Variants in AGTPBP1 observed in about 807,000 individuals in gnomAD.
The protein encoded by AGTPBP1 is cytosolic carboxypeptidase 1.
A neutral mutation model predicts 143.9 loss-of-function variants in AGTPBP1; 70 were observed. That is an observed-to-expected ratio of 0.49 (90% CI 0.40 to 0.59). AGTPBP1 has a LOEUF of 0.59. Ranked by LOEUF, AGTPBP1 falls within the 20% of genes least tolerant of loss-of-function variation. The probability of loss-of-function intolerance (pLI) is 0.00; values close to 1 mark genes in which losing one functional copy is unlikely to be tolerated. For missense variants in AGTPBP1, 1,229 were observed against 1,464.5 expected, an observed-to-expected ratio of 0.84 and a Z score of 2.62; for synonymous variants, 463 against 500.2, an observed-to-expected ratio of 0.93 and a Z score of 0.99.
intron 1 of AGTPBP1, among the ~76,000 whole-genome samples, chr9:85,716,857 T>C (rs183904623): frequency 1.3e-5 from 2 of 152,324 alleles, no homozygotes; most frequent in East Asian, 3.9e-4. Context: ...CCTAGAGGAA[T>C]ACCCCCAGTC....
chr9:85,622,954 A>C lies in AGTPBP1; in HGVS notation c.2016-1669T>G, dbSNP rs374196768. Among the ~76,000 whole-genome samples the C allele has an allele frequency of 2.8e-4, 43 of 152,360 alleles. 1 individual carries two copies. The highest frequency in any genetic ancestry group is 1.0e-3 in the African/African-American group (42 of 41,586). ...TGATATATGCCACAAATATGTAAAA[A>C]TTAATATTCACAAAGGTTTGGTTTT... On this transcript the variant is annotated intron_variant, in intron 14 of 25. Coordinates refer to ENST00000357081, the MANE Select transcript of AGTPBP1 (RefSeq NM_001330701.2).
At chr9:85,741,338 G>A in intron 1 of AGTPBP1, 2 of 985,382 alleles carry the variant, frequency 2.0e-6, no homozygotes, top group Non-Finnish European at 2.4e-6. Flanking sequence ...TCAGCGGCCC[G>A]CTACCACTGG....
the AGTPBP1 span, among the ~76,000 whole-genome samples, chr9:85,782,574 T>C: frequency 1.3e-5 from 2 of 152,158 alleles, no homozygotes; most frequent in African/African-American, 4.8e-5. Flanking sequence ...TTTTCAAGAA[T>C]AATTCCCTTT....
chr9:85,657,618 G>A lies in AGTPBP1; in HGVS notation c.726C>T (p.Asp242=). 7 of 1,609,654 alleles carry A rather than the reference G, an allele frequency of 4.3e-6. No homozygotes were observed. The highest frequency in any genetic ancestry group is 5.9e-6 in the Non-Finnish European group (7 of 1,178,638). The change falls in exon 10 of 26, where the codon GAC becomes GAT. Residue 242 remains aspartate (D), a synonymous_variant. Transcript: ENST00000357081. ...TTAAAAGCACTTGGACATATCCTCT[G>A]TCTACAGCTCTCCTGGCATTTGTTT... ...KSKTNARRAV[D]RGYVQVLLTI... is the part of the protein sequence containing the mutation.
intron 22 of AGTPBP1, 151 bp from the exon 23 acceptor site, chr9:85,585,745 A>C: frequency 1.7e-6 from 1 of 587,150 alleles, no homozygotes; most frequent in Non-Finnish European, 2.6e-6. Context: ...GAACCAACAA[A>C]AGTAATAATA....
the AGTPBP1 span, among the ~76,000 whole-genome samples, chr9:85,798,527 C>T: frequency 1.3e-5 from 2 of 151,540 alleles, no homozygotes; most frequent in Non-Finnish European, 2.9e-5. Context: ...CCACCACGCG[C>T]AGCTACTTTT....
chr9:85,722,770 T>C (rs1250508011), intron 1 of AGTPBP1, among the ~76,000 whole-genome samples: 1 of 152,228 alleles, frequency 6.6e-6, no homozygotes, highest in African/African-American at 2.4e-5. Flanking sequence ...TTTTTGAACT[T>C]TTCAGCTTTT....
chr9:85,552,996 A>G (rs1826122607), intron 25 of AGTPBP1, among the ~76,000 whole-genome samples: 1 of 152,218 alleles, frequency 6.6e-6, no homozygotes. Context: ...AAATCTTTCT[A>G]TTTGTACAAA....
At chr9:85,780,087 C>T in the AGTPBP1 span, among the ~76,000 whole-genome samples, 1 of 152,044 alleles carries the variant, frequency 6.6e-6, no homozygotes, top group African/African-American at 2.4e-5. Flanking sequence ...CAAAATTCTA[C>T]AAAACAGCCA....
chr9:85,804,923 T>G, the AGTPBP1 span, among the ~76,000 whole-genome samples: 1 of 152,156 alleles, frequency 6.6e-6, no homozygotes, highest in Non-Finnish European at 1.5e-5. Flanking sequence ...CAGGTCCCAC[T>G]GCCCTTTTCC....
intron 2 of AGTPBP1, among the ~76,000 whole-genome samples, chr9:85,711,006 A>G (rs1288853642): frequency 6.6e-6 from 1 of 152,222 alleles, no homozygotes; most frequent in Non-Finnish European, 1.5e-5. Flanking sequence ...TAACTGCAAA[A>G]CCTAGCAATT....
chr9:85,626,939 G>A (rs1230913406), intron 14 of AGTPBP1, among the ~76,000 whole-genome samples: 3 of 152,128 alleles, frequency 2.0e-5, no homozygotes, highest in African/African-American at 7.2e-5. Flanking sequence ...ACATAACCAG[G>A]CAGATTTGGC....
intron 2 of AGTPBP1, among the ~76,000 whole-genome samples, chr9:85,697,539 G>A (rs1488546620): frequency 2.3e-5 from 3 of 128,378 alleles, no homozygotes; most frequent in Admixed American, 9.5e-5. Context: ...TGCAAGCTCC[G>A]CCTCCCGGGT....
chr9:85,634,429 C>G (rs1327465219), intron 13 of AGTPBP1, among the ~76,000 whole-genome samples: 1 of 152,094 alleles, frequency 6.6e-6, no homozygotes, highest in African/African-American at 2.4e-5. Flanking sequence ...GTTCAAAGAA[C>G]AGCAAGGATG....
intron 9 of AGTPBP1, 107 bp from the exon 10 acceptor site, chr9:85,657,750 T>G (rs1053202612): frequency 1.4e-6 from 1 of 696,254 alleles, no homozygotes; most frequent in Non-Finnish European, 2.2e-6. Flanking sequence ...ATACTTATAA[T>G]TCTTTTTTCC....
chr9:85,571,754 A>G (rs1260061473), intron 25 of AGTPBP1, among the ~76,000 whole-genome samples: 2 of 152,302 alleles, frequency 1.3e-5, no homozygotes, highest in African/African-American at 2.4e-5. Flanking sequence ...AAAGATGCAT[A>G]ATCTGAATAT....
In AGTPBP1 at chr9:85,547,094, G is replaced by A. The variant is rs758218580; in HGVS notation, c.*15C>T. 1.1e-5 allele frequency: 17 copies of A among 1,587,058 alleles called. No individual in the cohort carries two copies. The highest frequency in any genetic ancestry group is 2.3e-5 in the East Asian group (1 of 43,904). On this transcript the variant is annotated 3_prime_UTR_variant, in exon 26 of 26. Coordinates refer to ENST00000357081, the MANE Select transcript of AGTPBP1 (RefSeq NM_001330701.2). ...TTCATTTATTCTTTGCAGTTAACAA[G>A]AGATGGCAGCGGGCTCAAGGTAGGT...
intron 14 of AGTPBP1, among the ~76,000 whole-genome samples, chr9:85,623,880 T>A (rs115306220): frequency 0.012 from 1,893 of 152,246 alleles, 42 homozygotes; most frequent in African/African-American, 0.043. Context: ...TTGAAATACA[T>A]GGCTTTCCAG....
chr9:85,593,267 C>T (rs1829086014), intron 18 of AGTPBP1, among the ~76,000 whole-genome samples: 1 of 152,118 alleles, frequency 6.6e-6, no homozygotes, highest in African/African-American at 2.4e-5. Context: ...GAAACAGAAG[C>T]ACTTGTTAAC....
Sources: allele counts gnomAD v4.1 joint callset (sites outside exome capture counted in the v4.1 genomes callset), GRCh38; gene constraint gnomAD v4.1.1; transcripts MANE v1.5; gene names NCBI Gene and HGNC (gene_info 2026-07-23, HGNC 2026-07-21).